The following CTBP1 variants were observed in gnomAD, a reference collection of about 807,000 sequenced individuals.
CTBP1 encodes C-terminal binding protein 1, also known as C-terminal-binding protein 1.
Under a neutral mutation model 42.1 loss-of-function variants are expected in CTBP1, and 11 were observed. That is an observed-to-expected ratio of 0.26 (90% CI 0.16 to 0.43). The LOEUF (loss-of-function observed/expected upper bound fraction) is 0.43. Among genes scored for constraint, CTBP1 ranks in the 20% least tolerant of loss-of-function variants. The pLI is 1.00. For missense variants in CTBP1, 399 were observed against 624.3 expected, an observed-to-expected ratio of 0.64 and a Z score of 3.85; for synonymous variants, 324 against 277.1, an observed-to-expected ratio of 1.17 and a Z score of -1.68.
chr4:1,216,086 G>T lies in CTBP1; in HGVS notation c.634C>A (p.Leu212Met). The change falls in exon 6 of 10, where the codon CTG becomes ATG. Residue 212 changes from leucine to methionine, a missense_variant. Leu to Met is a conservative substitution (Grantham distance 15). This residue lies in a region of CTBP1 where 309 missense variants were observed against 497.5 expected (regional missense o/e 0.62). Transcript: ENST00000382952. ...RALGLQRVSTLQDLLFHSDCV... is the reference protein window; with the variant it reads ...RALGLQRVSTMQDLLFHSDCV... Reference sequence around the variant, plus strand: ...TCGCTGTGGAAGAGCAGGTCCTGCAGGGTGCTGACACGCTGCAGCCCCAGC... The same window carrying T: ...TCGCTGTGGAAGAGCAGGTCCTGCATGGTGCTGACACGCTGCAGCCCCAGC... The T allele has an allele frequency of 1.2e-6, 2 of 1,611,558 alleles. No individual in the cohort carries two copies. Among genetic ancestry groups the T allele is most frequent in the Non-Finnish European group, 1.7e-6 (2 of 1,179,914 alleles).
chr4:1,214,907 C>G (rs1268862702), intron 6 of CTBP1, among the ~76,000 whole-genome samples: 2 of 152,276 alleles, frequency 1.3e-5, no homozygotes, highest in African/African-American at 4.8e-5. Context: ...GACTCCAACC[C>G]CAGCGGGGCC....
intron 1 of CTBP1, chr4:1,243,809 G>C: frequency 1.0e-6 from 1 of 985,400 alleles, no homozygotes; most frequent in Non-Finnish European, 1.2e-6. Flanking sequence ...TCCAAATCCA[G>C]GACCCACACT....
chr4:1,236,313 T>G (rs965954137), intron 3 of CTBP1: 5 of 370,852 alleles, frequency 1.3e-5, no homozygotes, highest in Admixed American at 1.2e-4. Flanking sequence ...AGCCTGTGGG[T>G]CTCCTGAGCA....
At chr4:1,228,914 CGT>C (rs1348139416) in intron 3 of CTBP1, among the ~76,000 whole-genome samples, 1 of 152,250 alleles carries the variant, frequency 6.6e-6, no homozygotes, top group Non-Finnish European at 1.5e-5. Context: ...GCACTGCCCC[CGT>C]GTCGCCCAAG....
intron 3 of CTBP1, among the ~76,000 whole-genome samples, chr4:1,229,173 CA>C (rs925363113): frequency 2.6e-5 from 4 of 152,202 alleles, no homozygotes; most frequent in Admixed American, 6.5e-5. Flanking sequence ...CCAGGGAGGG[CA>C]GGGGCAGTGT....
chr4:1,239,394 G>C (rs3755936), intron 2 of CTBP1, among the ~76,000 whole-genome samples: 9,345 of 152,256 alleles, frequency 0.061, 487 homozygotes, highest in East Asian at 0.21. Flanking sequence ...GCAGTACCCA[G>C]GACCGTTCGG....
intron 1 of CTBP1, chr4:1,242,126 C>T (rs1490572666): frequency 7.1e-6 from 7 of 985,344 alleles, no homozygotes; most frequent in Non-Finnish European, 6.0e-6. Context: ...CTCAGCTCTT[C>T]CTGACCGCTA....
intron 7 of CTBP1, 166 bp downstream of exon 7, chr4:1,214,177 G>GGCTCCATCCTCACCCCGCA: frequency 1.1e-6 from 1 of 870,352 alleles, no homozygotes; most frequent in Non-Finnish European, 1.6e-6. Context: ...TAGAGCCCGT[G>GGCTCCATCCTCACCCCGCA]GCTCCATCCT....
chr4:1,228,403 C>T (rs528611249), intron 3 of CTBP1, 60 bp from the exon 4 acceptor site: 16 of 1,574,992 alleles, frequency 1.0e-5, no homozygotes, highest in Admixed American at 1.8e-5. Context: ...GCTTGGCCTT[C>T]GGGGGTGGGG....
intron 5 of CTBP1, chr4:1,221,785 T>C (rs1377689136): frequency 2.3e-6 from 1 of 441,730 alleles, no homozygotes; most frequent in South Asian, 1.6e-5. Flanking sequence ...GCCTGCTCTG[T>C]CAACGTGCTG....
chr4:1,222,981 C>G (rs1017835545), intron 5 of CTBP1, among the ~76,000 whole-genome samples: 11 of 152,176 alleles, frequency 7.2e-5, no homozygotes, highest in Admixed American at 6.5e-4. Context: ...GGTGAGGTGT[C>G]AGACCTGTGG....
upstream of CTBP1, chr4:1,249,682 A>T (rs1304819832): frequency 2.4e-6 from 1 of 419,900 alleles, no homozygotes; most frequent in Admixed American, 2.6e-5. Context: ...GGACCCCGAG[A>T]GGAGAAGCGC....
chr4:1,244,348 G>A, intron 1 of CTBP1: 1 of 869,168 alleles, frequency 1.2e-6, no homozygotes, highest in Non-Finnish European at 1.3e-6. Context: ...GTGGGTCTCT[G>A]GGCACTGGGG....
chr4:1,224,344 T>TG (rs1271550106), intron 5 of CTBP1, among the ~76,000 whole-genome samples: 1 of 151,990 alleles, frequency 6.6e-6, no homozygotes. Flanking sequence ...GATGTCTGTG[T>TG]GGGGTCCACG....
intron 5 of CTBP1, among the ~76,000 whole-genome samples, chr4:1,219,588 A>G (rs1029214792): frequency 6.6e-6 from 1 of 152,252 alleles, no homozygotes; most frequent in Non-Finnish European, 1.5e-5. Flanking sequence ...TAGCTAATGC[A>G]AAAAGGCAAA....
intron 5 of CTBP1, among the ~76,000 whole-genome samples, chr4:1,218,793 C>T (rs887834397): frequency 2.0e-5 from 3 of 152,024 alleles, no homozygotes; most frequent in Admixed American, 2.0e-4. Context: ...GATCACTAAG[C>T]AGAGTATAGG....
intron 5 of CTBP1, chr4:1,216,523 C>G (rs1488073346): frequency 3.9e-6 from 2 of 510,030 alleles, no homozygotes; most frequent in Non-Finnish European, 7.1e-6. Flanking sequence ...CAGTGTCAAA[C>G]GGACTGGTCA....
chr4:1,243,761 G>A (rs962146255), intron 1 of CTBP1: 121 of 985,284 alleles, frequency 1.2e-4, no homozygotes, highest in East Asian at 2.3e-4. Flanking sequence ...CACACACTCC[G>A]AGGTGAAGGC....
Position 1,238,350 on chromosome 4 carries a change from G to C in CTBP1, c.8-13C>G. On this transcript the variant is annotated splice_polypyrimidine_tract_variant and intron_variant, in intron 2 of 9. Coordinates refer to ENST00000382952, the MANE Select transcript of CTBP1 (RefSeq NM_001012614.2). This position sits in a 1 kb window ranked among gnomAD's most constrained non-coding sequence, Gnocchi z 5.9. ...GGAGGTCGGACGCCTGCAAGACAGAGGCAAGTGCTCAGCCTTGCACCACTG... is the reference window on the plus strand; with the variant it reads ...GGAGGTCGGACGCCTGCAAGACAGACGCAAGTGCTCAGCCTTGCACCACTG... 6.5e-7 allele frequency: 1 copy of C among 1,549,388 alleles called. No individual in the cohort carries two copies. The highest frequency in any genetic ancestry group is 2.3e-5 in the East Asian group (1 of 44,224).
Sources: allele counts gnomAD v4.1 joint callset (sites outside exome capture counted in the v4.1 genomes callset), GRCh38; gene constraint gnomAD v4.1.1; regional missense constraint gnomAD v4.1.1; non-coding constraint Gnocchi (gnomAD v3.1); transcripts MANE v1.5; gene names NCBI Gene and HGNC (gene_info 2026-07-23, HGNC 2026-07-21).